Variants in PDZRN4 observed in about 807,000 individuals in gnomAD.
PDZRN4 encodes PDZ domain containing ring finger 4.
In PDZRN4, 70 loss-of-function variants were observed where a neutral mutation model predicts 99.0. The observed-to-expected ratio is 0.71, with a 90% CI of 0.58 to 0.86. PDZRN4 has a LOEUF of 0.86. Ranked by LOEUF, PDZRN4 falls within the 40% of genes least tolerant of loss-of-function variation. PDZRN4 has a pLI of 0.00. For synonymous variants in PDZRN4, 551 were observed against 501.6 expected (o/e 1.10, Z -1.32); for missense variants, 1,474 against 1,331.2 (o/e 1.11, Z -1.67).
chr12:41,276,469 A>G (rs1270736263), intron 3 of PDZRN4, among the ~76,000 whole-genome samples: 1 of 152,074 alleles, frequency 6.6e-6, no homozygotes, highest in African/African-American at 2.4e-5. Context: ...TCATATATTT[A>G]TATGAAATAT....
In PDZRN4 at chr12:41,477,894, G is replaced by T. The variant is rs115972347; in HGVS notation, c.844-28562G>T. ...GAGACAATTTTTCCTTAAACCTTTG[G>T]CATTGTTGACATGTTGGCCATCCAC... On this transcript the variant is annotated intron_variant, in intron 3 of 9. Transcript: ENST00000402685. 2,512 of 1,552,624 alleles carry T rather than the reference G, an allele frequency of 1.6e-3. 27 individuals carry two copies. The African/African-American group carries it at 0.028, about 17-fold the overall frequency.
At chr12:41,399,678 G>A (rs935998894) in intron 3 of PDZRN4, among the ~76,000 whole-genome samples, 1 of 151,780 alleles carries the variant, frequency 6.6e-6, no homozygotes, top group Non-Finnish European at 1.5e-5. Flanking sequence ...AGAGGTTGTA[G>A]TGAGTGAAGA....
intron 5 of PDZRN4, among the ~76,000 whole-genome samples, chr12:41,512,162 C>G (rs1408987266): frequency 6.6e-6 from 1 of 152,052 alleles, no homozygotes; most frequent in Non-Finnish European, 1.5e-5. Flanking sequence ...ACTCCTTTTT[C>G]ATCTGCTTTC....
intron 3 of PDZRN4, among the ~76,000 whole-genome samples, chr12:41,373,998 T>C (rs1952062204): frequency 6.6e-6 from 1 of 152,142 alleles, no homozygotes; most frequent in Non-Finnish European, 1.5e-5. Context: ...TGGGCTCCCA[T>C]GAAATAGAAA....
At chr12:41,419,288 G>T (rs1952471413) in intron 3 of PDZRN4, among the ~76,000 whole-genome samples, 1 of 152,236 alleles carries the variant, frequency 6.6e-6, no homozygotes, top group East Asian at 1.9e-4. Flanking sequence ...ATCCTGTTAA[G>T]TACCTGTACA....
chr12:41,222,197 G>C (rs967564622), intron 3 of PDZRN4, among the ~76,000 whole-genome samples: 1 of 152,134 alleles, frequency 6.6e-6, no homozygotes, highest in Admixed American at 6.6e-5. Flanking sequence ...CATAGGCCAT[G>C]GGCCATATGG....
At chr12:41,416,022 A>G (rs927508179) in intron 3 of PDZRN4, among the ~76,000 whole-genome samples, 1 of 152,204 alleles carries the variant, frequency 6.6e-6, no homozygotes, top group Non-Finnish European at 1.5e-5. Context: ...GTTTTCTTCC[A>G]TGACTTTACA....
At chr12:41,230,768 T>G (rs1026667095) in intron 3 of PDZRN4, among the ~76,000 whole-genome samples, 1 of 152,124 alleles carries the variant, frequency 6.6e-6, no homozygotes, top group Non-Finnish European at 1.5e-5. Flanking sequence ...TTAGAAATTT[T>G]CAGAAAAAAA....
chr12:41,489,287 G>A (rs1287205474), intron 3 of PDZRN4, among the ~76,000 whole-genome samples: 2 of 152,020 alleles, frequency 1.3e-5, no homozygotes, highest in Non-Finnish European at 2.9e-5. Flanking sequence ...CTGACATCTA[G>A]TGGGTAAAGG....
chr12:41,567,815 T>C lies in PDZRN4; in HGVS notation c.1500T>C (p.Asn500=). 1 of 1,613,238 alleles carries C rather than the reference T, an allele frequency of 6.2e-7. No homozygotes were observed. The highest frequency in any genetic ancestry group is 1.3e-5 in the African/African-American group (1 of 75,006). ...LDEGWLEDER[N]EFLEELNLEM... ...AAGGCTGGCTGGAAGATGAAAGGAA[T>C]GAATTCTTAGAGGAGTTAAACTTGG... is the stretch of plus-strand genomic sequence containing the variant. Residue 500 remains asparagine (N), a synonymous_variant, in exon 9 of 10, where the codon AAT becomes AAC. Coordinates refer to ENST00000402685, the MANE Select transcript of PDZRN4 (RefSeq NM_001164595.2).
At chr12:41,531,616 G>C (rs1938663519) in intron 5 of PDZRN4, among the ~76,000 whole-genome samples, 1 of 152,134 alleles carries the variant, frequency 6.6e-6, no homozygotes, top group Admixed American at 6.5e-5. Flanking sequence ...CTAGGTCCGT[G>C]GAGGTGGAGC....
At chr12:41,568,353 C>T (rs780380499) in intron 9 of PDZRN4, among the ~76,000 whole-genome samples, 1 of 152,128 alleles carries the variant, frequency 6.6e-6, no homozygotes, top group Non-Finnish European at 1.5e-5. Flanking sequence ...GTTTTATTTG[C>T]GTACTGGATG....
At chr12:41,245,687 GA>G (rs1190013325) in intron 3 of PDZRN4, among the ~76,000 whole-genome samples, 1 of 151,786 alleles carries the variant, frequency 6.6e-6, no homozygotes, top group African/African-American at 2.4e-5. Flanking sequence ...AATAAAAAGT[GA>G]AAAAAAATAT....
At chr12:41,239,212 G>T (rs1000044816) in intron 3 of PDZRN4, among the ~76,000 whole-genome samples, 2 of 152,150 alleles carry the variant, frequency 1.3e-5, no homozygotes, top group Admixed American at 1.3e-4. Context: ...CTAACGCAGG[G>T]ACAGAAAACC....
chr12:41,326,896 A>G (rs1025366962), intron 3 of PDZRN4, among the ~76,000 whole-genome samples: 5 of 152,220 alleles, frequency 3.3e-5, no homozygotes, highest in South Asian at 2.1e-4. Flanking sequence ...AATAAAGTAC[A>G]TGGACAAATA....
At chr12:41,289,865 C>T (rs1951446130) in intron 3 of PDZRN4, among the ~76,000 whole-genome samples, 1 of 152,150 alleles carries the variant, frequency 6.6e-6, no homozygotes, top group South Asian at 2.1e-4. Context: ...AAGTTCTTTG[C>T]CATTAACTTA....
At chr12:41,539,342 T>C (rs2120762193) in intron 5 of PDZRN4, among the ~76,000 whole-genome samples, 1 of 152,236 alleles carries the variant, frequency 6.6e-6, no homozygotes, top group East Asian at 1.9e-4. Context: ...TCTTTTGTTA[T>C]ATTTTTTAGT....
intron 3 of PDZRN4, among the ~76,000 whole-genome samples, chr12:41,473,952 G>T (rs373475016): frequency 6.6e-6 from 1 of 152,220 alleles, no homozygotes; most frequent in East Asian, 1.9e-4. Context: ...AGCCTTGAAT[G>T]GAGATTTGAA....
chr12:41,270,576 C>G (rs941828190), intron 3 of PDZRN4, among the ~76,000 whole-genome samples: 1 of 152,024 alleles, frequency 6.6e-6, no homozygotes, highest in Non-Finnish European at 1.5e-5. Flanking sequence ...AGTGAAGATA[C>G]AAAATTGGAA....
Sources: gnomAD v4.1 joint callset for allele counts (sites outside exome capture counted in the v4.1 genomes callset) on GRCh38, gnomAD v4.1.1 for gene constraint, MANE v1.5 for transcripts, NCBI Gene and HGNC (gene_info 2026-07-23, HGNC 2026-07-21) for gene names.